BTBD8: variants seen among roughly 807,000 people sequenced by gnomAD.
BTBD8 encodes the protein BTB/POZ domain-containing protein 8.
Under a neutral mutation model 162.9 loss-of-function variants are expected in BTBD8, and 110 were observed. The observed-to-expected ratio is 0.68, with a 90% CI of 0.58 to 0.79. The LOEUF (loss-of-function observed/expected upper bound fraction) is 0.79. Ranked by LOEUF, BTBD8 falls within the 30% of genes least tolerant of loss-of-function variation. The pLI, the probability that BTBD8 is intolerant of heterozygous loss-of-function variation, is 0.00. For synonymous variants in BTBD8, 667 were observed against 716.1 expected, an observed-to-expected ratio of 0.93 and a Z score of 1.10; for missense variants, 1,905 against 2,085.4, an observed-to-expected ratio of 0.91 and a Z score of 1.68.
At chr1:92,106,851 G>A (rs1050245244) in intron 3 of BTBD8, among the ~76,000 whole-genome samples, 3 of 151,792 alleles carry the variant, frequency 2.0e-5, no homozygotes, top group African/African-American at 7.3e-5. Context: ...AGAATGATCT[G>A]ATTTCAAAAG....
At chr1:92,129,378 G>C (rs1258817099) in intron 4 of BTBD8, among the ~76,000 whole-genome samples, 1 of 151,980 alleles carries the variant, frequency 6.6e-6, no homozygotes. Context: ...TAGCTTCTTG[G>C]GAGGCTGAGG....
At chr1:92,126,524 C>G (rs145468447) in intron 4 of BTBD8, 2 of 564,496 alleles carry the variant, frequency 3.5e-6, no homozygotes, top group African/African-American at 1.9e-5. Flanking sequence ...TCATGCAGAC[C>G]GCTTTATTTT....
chr1:92,147,109 T>G (rs1649943204), intron 7 of BTBD8, 71 bp from the exon 8 acceptor site: 1 of 1,233,948 alleles, frequency 8.1e-7, no homozygotes, highest in Non-Finnish European at 1.1e-6. Context: ...TTGGATTATC[T>G]TTATGAACCA....
chr1:92,150,810 T>C (rs1557457718), intron 9 of BTBD8: 1 of 152,162 alleles, frequency 6.6e-6, no homozygotes, highest in Non-Finnish European at 1.5e-5. Context: ...CATGCAGACA[T>C]GGGGAAAACA....
chr1:92,117,199 T>C (rs1649066117), intron 4 of BTBD8, among the ~76,000 whole-genome samples: 1 of 151,966 alleles, frequency 6.6e-6, no homozygotes, highest in Non-Finnish European at 1.5e-5. Context: ...TTTCTGGGTC[T>C]GATAATATTG....
At chr1:92,123,793 A>AG (rs1185671519) in intron 4 of BTBD8, among the ~76,000 whole-genome samples, 28 of 151,378 alleles carry the variant, frequency 1.8e-4, no homozygotes, top group African/African-American at 6.3e-4. Flanking sequence ...AAAAAAAAAA[A>AG]AAAGAAAATT....
At chr1:92,084,670 TC>T (rs1214066114) in intron 1 of BTBD8, among the ~76,000 whole-genome samples, 1 of 152,178 alleles carries the variant, frequency 6.6e-6, no homozygotes, top group African/African-American at 2.4e-5. Context: ...CTGGACTCTC[TC>T]CCCTGTATGT....
chr1:92,125,458 A>C (rs1649330680), intron 4 of BTBD8: 1 of 314,550 alleles, frequency 3.2e-6, no homozygotes, highest in African/African-American at 2.2e-5. Flanking sequence ...TCCTCAGGGA[A>C]CACTTTGAGA....
At chr1:92,147,351 G>A in intron 8 of BTBD8, 83 bp downstream of exon 8, 1 of 1,217,958 alleles carries the variant, frequency 8.2e-7, no homozygotes, top group Non-Finnish European at 1.2e-6. Context: ...GAACTTTAGA[G>A]TTGGCCTGTT....
At chr1:92,141,637 A>G (rs1649777243) in intron 7 of BTBD8, among the ~76,000 whole-genome samples, 1 of 152,192 alleles carries the variant, frequency 6.6e-6, no homozygotes, top group Non-Finnish European at 1.5e-5. Flanking sequence ...CTCTTATGCC[A>G]GTCTCTTCAG....
intron 3 of BTBD8, among the ~76,000 whole-genome samples, chr1:92,104,093 A>G (rs1261228944): frequency 5.3e-5 from 8 of 152,240 alleles, no homozygotes. Flanking sequence ...TCTCATCTGA[A>G]TTTTGCACCT....
At chr1:92,139,691 A>C in intron 6 of BTBD8, 1 of 547,886 alleles carries the variant, frequency 1.8e-6, no homozygotes, top group Non-Finnish European at 2.5e-6. Context: ...ATTATGGTTT[A>C]TAGATCAATA....
chr1:92,147,749 T>G lies in BTBD8; in HGVS notation c.1085T>G (p.Ile362Ser). ...ERSFANIPPE[I>S]QKSCLNMLIQ... Reference sequence around the variant, plus strand: ...AGCTTTGCAAATATACCTCCTGAGATTCAGAAAAGTTGTCTTAATATGTTG... The same window carrying G: ...AGCTTTGCAAATATACCTCCTGAGAGTCAGAAAAGTTGTCTTAATATGTTG... The change falls in exon 9 of 18, where the codon ATT becomes AGT. Residue 362 changes from isoleucine (I) to serine (S), a missense_variant. Ile to Ser is a moderately radical substitution (Grantham distance 142). This residue lies in a region of BTBD8 where 1,374 missense variants were observed against 1,442.7 expected (regional missense o/e 0.95). Transcript: ENST00000636805. 1 of 1,613,638 alleles carries G rather than the reference T, an allele frequency of 6.2e-7. No homozygotes were observed. The highest frequency in any genetic ancestry group is 8.5e-7 in the Non-Finnish European group (1 of 1,179,844).
intron 4 of BTBD8, chr1:92,125,517 G>A: frequency 3.2e-6 from 1 of 310,216 alleles, no homozygotes; most frequent in Non-Finnish European, 6.4e-6. Context: ...CAGGAAGCAG[G>A]CACTTGTACA....
intron 9 of BTBD8, among the ~76,000 whole-genome samples, chr1:92,160,491 AC>A: frequency 6.6e-6 from 1 of 152,080 alleles, no homozygotes; most frequent in East Asian, 1.9e-4. Flanking sequence ...ACAGGAGAAG[AC>A]CCTTACTAAT....
At chr1:92,183,499 A>C (rs2100696850) in intron 17 of BTBD8, among the ~76,000 whole-genome samples, 1 of 152,158 alleles carries the variant, frequency 6.6e-6, no homozygotes, top group Non-Finnish European at 1.5e-5. Flanking sequence ...CTTACCCTAA[A>C]AGTCATCATC....
At chr1:92,135,330 C>T (rs771299335) in intron 5 of BTBD8, among the ~76,000 whole-genome samples, 11 of 152,182 alleles carry the variant, frequency 7.2e-5, no homozygotes, top group Non-Finnish European at 1.5e-4. Flanking sequence ...GGATTACAGG[C>T]GTGTGCCACC....
intron 17 of BTBD8, 107 bp from the exon 18 acceptor site, chr1:92,183,755 GTT>G (rs59910368): frequency 3.4e-3 from 1,441 of 427,234 alleles, no homozygotes; most frequent in South Asian, 4.7e-3. Context: ...CCCATTCTGT[GTT>G]TTTTTTTTTT....
At position 92,143,597 on chromosome 1, in the gene BTBD8, G is replaced by A. The variant is rs1649827196; in HGVS notation, c.930+2386G>A. On this transcript the variant is annotated intron_variant, in intron 7 of 17. Transcript: ENST00000636805. ...ACGATCTCTGCTCACTGCAACCTCT[G>A]CCTCCCAGGTTCAAGCGATTTTCTT... 2.0e-5 allele frequency among the ~76,000 whole-genome samples: 3 copies of A among 152,088 alleles called. No homozygotes were observed. In the South Asian group the frequency reaches 6.2e-4, roughly 32 times the overall value.
Sources: gnomAD v4.1 joint callset for allele counts (sites outside exome capture counted in the v4.1 genomes callset) on GRCh38, gnomAD v4.1.1 for gene constraint, gnomAD v4.1.1 regional missense constraint, MANE v1.5 for transcripts, NCBI Gene and HGNC (gene_info 2026-07-23, HGNC 2026-07-21) for gene names.